Variants in RGS22 observed in about 807,000 individuals in gnomAD.
RGS22 encodes regulator of G protein signaling 22, also known as regulator of G-protein signaling 22.
Under a neutral mutation model 172.9 loss-of-function variants are expected in RGS22, and 148 were observed. The observed-to-expected ratio is 0.86, with a 90% CI of 0.75 to 0.98. The LOEUF is 0.98. RGS22 is among the 50% of genes least tolerant of loss of function. The probability of loss-of-function intolerance (pLI) is 0.00; values close to 1 mark genes in which losing one functional copy is unlikely to be tolerated. For missense variants in RGS22, 1,347 were observed against 1,440.8 expected, an observed-to-expected ratio of 0.93 and a Z score of 1.05; for synonymous variants, 458 against 480.2, an observed-to-expected ratio of 0.95 and a Z score of 0.60.
intron 11 of RGS22, 169 bp from the exon 12 acceptor site, chr8:100,042,085 A>C (rs1439281873): frequency 2.0e-6 from 1 of 490,594 alleles, no homozygotes; most frequent in Non-Finnish European, 3.7e-6. Flanking sequence ...GTGGTGGTTC[A>C]GAAAATGAGT....
At chr8:100,077,686 T>C (rs1427535875) in intron 4 of RGS22, among the ~76,000 whole-genome samples, 1 of 152,208 alleles carries the variant, frequency 6.6e-6, no homozygotes, top group Admixed American at 6.5e-5. Flanking sequence ...GAAAAAAATG[T>C]ATACTTTACT....
In RGS22 at chr8:99,963,630, AT is replaced by A. The variant is rs574025768; in HGVS notation, c.3616-653del. On this transcript the variant is annotated intron_variant, in intron 24 of 27. Coordinates refer to ENST00000360863, the MANE Select transcript of RGS22 (RefSeq NM_015668.5). Reference sequence around the variant, plus strand: ...AAATATTTTTAAAAATCAACAAAAAATAATACAAATAAAATATACAGTATAA... The same window carrying A: ...AAATATTTTTAAAAATCAACAAAAAAAATACAAATAAAATATACAGTATAA... 3.9e-3 allele frequency among the ~76,000 whole-genome samples: 590 copies of A among 152,358 alleles called. 4 individuals are homozygous for A. Among genetic ancestry groups the A allele is most frequent in the African/African-American group, 0.013 (561 of 41,588 alleles).
chr8:100,083,350 T>C (rs1360086660), intron 3 of RGS22, among the ~76,000 whole-genome samples: 2 of 152,216 alleles, frequency 1.3e-5, no homozygotes, highest in African/African-American at 4.8e-5. Context: ...GGGCAGTATT[T>C]AAAGCAGGTA....
intron 14 of RGS22, among the ~76,000 whole-genome samples, chr8:100,030,946 G>A (rs1818728877): frequency 6.6e-6 from 1 of 152,066 alleles, no homozygotes; most frequent in African/African-American, 2.4e-5. Flanking sequence ...CAAAAATAGT[G>A]TACAAAAATT....
chr8:100,024,662 C>T (rs1817980525), intron 14 of RGS22, among the ~76,000 whole-genome samples: 1 of 152,152 alleles, frequency 6.6e-6, no homozygotes, highest in Admixed American at 6.5e-5. Flanking sequence ...TAAACAGATA[C>T]TCTTTTTTCT....
chr8:100,011,429 C>G (rs1486942366), intron 14 of RGS22, among the ~76,000 whole-genome samples: 2 of 152,142 alleles, frequency 1.3e-5, no homozygotes, highest in African/African-American at 4.8e-5. Context: ...GGCTTTCTTA[C>G]AGTCTATTCT....
intron 23 of RGS22, among the ~76,000 whole-genome samples, chr8:99,972,565 A>C (rs1177773204): frequency 6.6e-6 from 1 of 152,134 alleles, no homozygotes; most frequent in Non-Finnish European, 1.5e-5. Flanking sequence ...GGAAAAAACA[A>C]GCAATCCCAT....
At chr8:100,037,527 C>T (rs958077332) in intron 14 of RGS22, among the ~76,000 whole-genome samples, 1 of 152,060 alleles carries the variant, frequency 6.6e-6, no homozygotes, top group Non-Finnish European at 1.5e-5. Context: ...GAATAGTCCA[C>T]CTTCAAGTAA....
Position 100,017,603 on chromosome 8 carries a change from T to C in RGS22, c.2167-9034A>G, listed in dbSNP as rs188126613. 3.5e-3 allele frequency among the ~76,000 whole-genome samples: 532 copies of C among 152,204 alleles called. 2 individuals carry two copies. Among genetic ancestry groups the C allele is most frequent in the African/African-American group, 0.012 (491 of 41,524 alleles). ...AGTGGATAACTAACAACTGAGTATA[T>C]ATATATATAGCAAATACAAGATATT... is the stretch of plus-strand genomic sequence containing the variant. On this transcript the variant is annotated intron_variant, in intron 14 of 27. Transcript: ENST00000360863.
chr8:100,019,283 T>C (rs1301892665), intron 14 of RGS22, among the ~76,000 whole-genome samples: 2 of 152,268 alleles, frequency 1.3e-5, no homozygotes, highest in African/African-American at 4.8e-5. Flanking sequence ...ATACCAAATG[T>C]TGTAACACAT....
chr8:100,102,718 A>C (rs1188315466), intron 2 of RGS22, among the ~76,000 whole-genome samples: 1 of 152,212 alleles, frequency 6.6e-6, no homozygotes, highest in African/African-American at 2.4e-5. Flanking sequence ...TTGACAGCAA[A>C]GGCAAGGAGA....
intron 6 of RGS22, 97 bp downstream of exon 6, chr8:100,071,272 G>C: frequency 9.3e-7 from 1 of 1,079,844 alleles, no homozygotes; most frequent in Non-Finnish European, 1.3e-6. Context: ...TGGTGACAGA[G>C]TGAGATCCTG....
intron 15 of RGS22, among the ~76,000 whole-genome samples, chr8:100,007,020 T>C (rs1232166236): frequency 6.6e-6 from 1 of 152,136 alleles, no homozygotes; most frequent in African/African-American, 2.4e-5. Context: ...TCATCTGATA[T>C]CCAAATTTCC....
intron 19 of RGS22, among the ~76,000 whole-genome samples, chr8:99,998,039 A>C (rs1814577716): frequency 6.6e-6 from 1 of 152,162 alleles, no homozygotes; most frequent in Non-Finnish European, 1.5e-5. Context: ...CATATAGTAC[A>C]TGTGGAAATC....
At chr8:100,046,740 G>A (rs768908047) in intron 11 of RGS22, among the ~76,000 whole-genome samples, 12 of 151,556 alleles carry the variant, frequency 7.9e-5, no homozygotes, top group East Asian at 1.9e-4. Context: ...AGGTGACTTC[G>A]GCATTTGAGG....
intron 23 of RGS22, among the ~76,000 whole-genome samples, chr8:99,969,140 A>C (rs568003436): frequency 6.6e-6 from 1 of 152,282 alleles, no homozygotes; most frequent in African/African-American, 2.4e-5. Flanking sequence ...ATCCAACCAA[A>C]CTAAGCTTCA....
intron 6 of RGS22, 50 bp from the exon 7 acceptor site, chr8:100,066,346 C>G: frequency 6.7e-7 from 1 of 1,496,760 alleles, no homozygotes; most frequent in Non-Finnish European, 9.2e-7. Context: ...CAGTATTACT[C>G]TGATCACAAA....
rs146948760 is a variant in RGS22, at chr8:100,023,821, T to C, written c.2166+15110A>G. On this transcript the variant is annotated intron_variant, in intron 14 of 27. Coordinates refer to ENST00000360863, the MANE Select transcript of RGS22 (RefSeq NM_015668.5). ...CTTTTTGTCTCTAGTCAGCTGCTCA[T>C]ATCTGTTCTGATTTATTACACATTC... Among the ~76,000 whole-genome samples the C allele has an allele frequency of 3.9e-5, 6 of 152,314 alleles. No individual in the cohort carries two copies. The East Asian group carries it at 1.2e-3, about 29-fold the overall frequency.
intron 8 of RGS22, 117 bp downstream of exon 8, chr8:100,063,299 G>A (rs1810287413): frequency 4.8e-6 from 3 of 629,134 alleles, no homozygotes; most frequent in African/African-American, 1.9e-5. Flanking sequence ...ATTCCTCCAA[G>A]AGTAAAAAAT....
Sources: gnomAD v4.1 joint callset for allele counts (sites outside exome capture counted in the v4.1 genomes callset) on GRCh38, gnomAD v4.1.1 for gene constraint, MANE v1.5 for transcripts, NCBI Gene and HGNC (gene_info 2026-07-23, HGNC 2026-07-21) for gene names.